TRIP12: variants seen among roughly 807,000 people sequenced by gnomAD.
TRIP12 encodes the protein thyroid hormone receptor interactor 12, also known as E3 ubiquitin-protein ligase TRIP12.
Under a neutral mutation model 244.2 loss-of-function variants are expected in TRIP12, and 25 were observed. The observed-to-expected ratio is 0.10, with a 90% CI of 0.07 to 0.14. The LOEUF (loss-of-function observed/expected upper bound fraction) is 0.14. TRIP12 is among the 10% of genes least tolerant of loss of function. TRIP12 has a pLI of 1.00. For synonymous variants in TRIP12, 905 were observed against 873.1 expected (o/e 1.04, Z -0.64); for missense variants, 1,677 against 2,486.4 (o/e 0.67, Z 6.92).
At chr2:229,887,306 GGATGACCAGTCACTTCTGCT>G (rs1346361637) in intron 1 of TRIP12, among the ~76,000 whole-genome samples, 2 of 152,244 alleles carry the variant, frequency 1.3e-5, no homozygotes, top group African/African-American at 4.8e-5. Flanking sequence ...CACAGGTTGA[GGATGACCAGTCACTTCTGCT>G]GATGTTCCTT....
chr2:229,916,545 G>A (rs1242396005), intron 1 of TRIP12, among the ~76,000 whole-genome samples: 1 of 152,044 alleles, frequency 6.6e-6, no homozygotes, highest in Non-Finnish European at 1.5e-5. Context: ...ACAAAAGTGA[G>A]ACTCTGTCTC....
intron 1 of TRIP12, among the ~76,000 whole-genome samples, chr2:229,888,456 A>G (rs1222541849): frequency 6.6e-6 from 1 of 152,242 alleles, no homozygotes; most frequent in Non-Finnish European, 1.5e-5. Flanking sequence ...AAACATAAAA[A>G]AAAAGAATCC....
intron 1 of TRIP12, among the ~76,000 whole-genome samples, chr2:229,899,872 A>G (rs965115076): frequency 1.3e-5 from 2 of 152,238 alleles, no homozygotes; most frequent in Non-Finnish European, 2.9e-5. Context: ...GAAAACATGC[A>G]AACAACTGAA....
At position 229,802,385 on chromosome 2, in the gene TRIP12, C is replaced by T. The variant is rs749308827; in HGVS notation, c.3073G>A (p.Gly1025Arg). 1 of 1,614,038 alleles carries T rather than the reference C, an allele frequency of 6.2e-7. No homozygotes were observed. The highest frequency in any genetic ancestry group is 8.5e-7 in the Non-Finnish European group (1 of 1,179,988). Reference sequence around the variant, plus strand: ...GTTGTGGATCCCATGGATCCCGATCCATTCGTACATGCCTTTGGTGGACTT... The same window carrying T: ...GTTGTGGATCCCATGGATCCCGATCTATTCGTACATGCCTTTGGTGGACTT... ...LTSPPKACTNGSGSMGSTTSV... is the reference protein window; with the variant it reads ...LTSPPKACTNRSGSMGSTTSV... The change falls in exon 21 of 42, where the codon GGA becomes AGA. Residue 1025 changes from glycine (G) to arginine (R), a missense_variant. Gly to Arg is a moderately radical substitution (Grantham distance 125). Transcript: ENST00000675903.
intron 8 of TRIP12, among the ~76,000 whole-genome samples, chr2:229,820,316 C>T (rs1173463946): frequency 6.6e-6 from 1 of 151,852 alleles, no homozygotes; most frequent in African/African-American, 2.4e-5. Context: ...ATCATCAATA[C>T]CAATAAAACA....
intron 17 of TRIP12, chr2:229,807,302 C>G: frequency 4.7e-6 from 1 of 213,436 alleles, no homozygotes; most frequent in Non-Finnish European, 9.5e-6. Context: ...CTGGCTATTT[C>G]ATTTGTTTCC....
intron 34 of TRIP12, among the ~76,000 whole-genome samples, chr2:229,781,878 G>A (rs2038285566): frequency 6.6e-6 from 1 of 152,148 alleles, no homozygotes; most frequent in Admixed American, 6.5e-5. Flanking sequence ...GCAGCTCCTG[G>A]AATCTTTTCC....
chr2:229,878,610 CTCTG>C (rs1173603302), intron 2 of TRIP12, among the ~76,000 whole-genome samples: 4 of 150,956 alleles, frequency 2.6e-5, no homozygotes, highest in Non-Finnish European at 4.4e-5. Flanking sequence ...CGGAGTCTCG[CTCTG>C]TCTGTCGCCC....
intron 1 of TRIP12, among the ~76,000 whole-genome samples, chr2:229,888,789 C>T (rs892554388): frequency 1.3e-5 from 2 of 151,464 alleles, no homozygotes; most frequent in Non-Finnish European, 2.9e-5. Context: ...GGGGACAGAG[C>T]GAGACTTTGC....
intron 2 of TRIP12, among the ~76,000 whole-genome samples, chr2:229,866,699 G>GT (rs1477579735): frequency 1.3e-5 from 2 of 152,126 alleles, no homozygotes; most frequent in African/African-American, 4.8e-5. Context: ...ATAAATATAG[G>GT]TAACAGTCTA....
chr2:229,826,651 C>CT (rs2051695309), intron 8 of TRIP12, among the ~76,000 whole-genome samples: 1 of 152,178 alleles, frequency 6.6e-6, no homozygotes, highest in Non-Finnish European at 1.5e-5. Context: ...GTACAGCCTA[C>CT]TACACACCTA....
At chr2:229,807,919 T>C in intron 16 of TRIP12, 55 bp from the exon 17 acceptor site, 1 of 1,516,642 alleles carries the variant, frequency 6.6e-7, no homozygotes, top group Non-Finnish European at 8.9e-7. Flanking sequence ...TAGTAAACGT[T>C]AGGTCTCTAA....
At chr2:229,865,629 A>G (rs1303821889) in intron 2 of TRIP12, among the ~76,000 whole-genome samples, 2 of 152,092 alleles carry the variant, frequency 1.3e-5, no homozygotes, top group Admixed American at 6.6e-5. Flanking sequence ...GTATATGTGT[A>G]TACAGACACA....
At chr2:229,907,952 G>C (rs2073288636) in intron 1 of TRIP12, among the ~76,000 whole-genome samples, 1 of 151,192 alleles carries the variant, frequency 6.6e-6, no homozygotes. Context: ...CCATTTTACA[G>C]ATGGGAGAAC....
At chr2:229,860,613 T>C in intron 2 of TRIP12, 82 bp from the exon 3 acceptor site, 1 of 1,288,320 alleles carries the variant, frequency 7.8e-7, no homozygotes. Context: ...TTTTTATATA[T>C]TTCTTAAAGC....
chr2:229,877,412 C>A (rs577195797), intron 2 of TRIP12, among the ~76,000 whole-genome samples: 64 of 152,212 alleles, frequency 4.2e-4, no homozygotes, highest in Non-Finnish European at 8.2e-4. Context: ...CGCCTGTAAT[C>A]CCAGCTACTA....
intron 8 of TRIP12, among the ~76,000 whole-genome samples, chr2:229,828,971 A>G (rs2052535020): frequency 1.3e-5 from 2 of 152,284 alleles, no homozygotes; most frequent in South Asian, 4.1e-4. Context: ...ATTGTTTGAG[A>G]TTCTTTATTC....
At chr2:229,890,871 C>T (rs986874853) in intron 1 of TRIP12, among the ~76,000 whole-genome samples, 4 of 152,138 alleles carry the variant, frequency 2.6e-5, no homozygotes, top group Non-Finnish European at 5.9e-5. Context: ...AGCCAGAATA[C>T]GTACAAACCA....
Position 229,919,414 on chromosome 2 carries a change from T to A in TRIP12, c.-50+2466A>T, listed in dbSNP as rs958134051. ...TAGGCGACAGAGCAAGATTCTGCTT[T>A]AAAAAAAAAAAAAGTTACAATGGGA... On this transcript the variant is annotated intron_variant, in intron 1 of 41. Coordinates refer to ENST00000675903, the MANE Select transcript of TRIP12 (RefSeq NM_001348323.3). Among the ~76,000 whole-genome samples the A allele has an allele frequency of 8.9e-5, 13 of 146,546 alleles. No individual in the cohort carries two copies. The East Asian group carries it at 2.0e-3, about 22-fold the overall frequency.
Sources: gnomAD v4.1 joint callset for allele counts (sites outside exome capture counted in the v4.1 genomes callset) on GRCh38, gnomAD v4.1.1 for gene constraint, MANE v1.5 for transcripts, NCBI Gene and HGNC (gene_info 2026-07-23, HGNC 2026-07-21) for gene names.